Variants in CACNA2D1 observed in about 807,000 individuals in gnomAD.
CACNA2D1 encodes the protein calcium voltage-gated channel auxiliary subunit alpha2delta 1, also known as voltage-dependent calcium channel subunit alpha-2/delta-1.
Under a neutral mutation model 171.5 loss-of-function variants are expected in CACNA2D1, and 53 were observed. That is an observed-to-expected ratio of 0.31 (90% confidence interval 0.25 to 0.39). The LOEUF (loss-of-function observed/expected upper bound fraction) is 0.39, where lower values mean the gene tolerates loss of function less well. Ranked by LOEUF, CACNA2D1 falls within the 10% of genes least tolerant of loss-of-function variation. The pLI is 1.00. For synonymous variants in CACNA2D1, 442 were observed against 443.1 expected, an observed-to-expected ratio of 1.00 and a Z score of 0.03; for missense variants, 903 against 1,299.8, an observed-to-expected ratio of 0.69 and a Z score of 4.69.
intron 3 of CACNA2D1, among the ~76,000 whole-genome samples, chr7:82,241,925 T>G (rs1426422729): frequency 6.6e-6 from 1 of 152,136 alleles, no homozygotes; most frequent in African/African-American, 2.4e-5. Context: ...GAGAACATAT[T>G]ACTTTCTGGA....
intron 38 of CACNA2D1, among the ~76,000 whole-genome samples, chr7:81,957,229 A>G (rs1793503333): frequency 6.6e-6 from 1 of 152,164 alleles, no homozygotes; most frequent in African/African-American, 2.4e-5. Flanking sequence ...CAATTTTTAC[A>G]CAAAAACTTT....
At chr7:82,217,394 C>CATATATATATATCTATATATAT (rs1801244824) in intron 3 of CACNA2D1, among the ~76,000 whole-genome samples, 1 of 102,546 alleles carries the variant, frequency 9.8e-6, no homozygotes, top group Non-Finnish European at 1.8e-5. Flanking sequence ...CACACACATA[C>CATATATATATATCTATATATAT]ATATATATAT....
intron 5 of CACNA2D1, among the ~76,000 whole-genome samples, chr7:82,117,442 G>A (rs916846341): frequency 2.6e-5 from 4 of 152,030 alleles, no homozygotes; most frequent in Non-Finnish European, 4.4e-5. Flanking sequence ...TTTGGGGGAC[G>A]AGGGAGACCA....
intron 38 of CACNA2D1, among the ~76,000 whole-genome samples, chr7:81,957,050 T>G (rs903930920): frequency 6.6e-6 from 1 of 152,124 alleles, no homozygotes; most frequent in Admixed American, 6.6e-5. Flanking sequence ...AAAAAGTTAT[T>G]TAAGTCAGAT....
chr7:82,111,040 A>G (rs987163068), intron 6 of CACNA2D1, among the ~76,000 whole-genome samples: 24 of 152,080 alleles, frequency 1.6e-4, no homozygotes, highest in African/African-American at 5.1e-4. Flanking sequence ...TAGGTCCTTA[A>G]TAAGTATTTG....
At chr7:82,375,061 T>A (rs560242973) in intron 1 of CACNA2D1, among the ~76,000 whole-genome samples, 1 of 152,216 alleles carries the variant, frequency 6.6e-6, no homozygotes, top group African/African-American at 2.4e-5. Flanking sequence ...CCCAAAAATA[T>A]CATATTGGAT....
At chr7:82,342,313 C>T (rs901884169) in intron 2 of CACNA2D1, among the ~76,000 whole-genome samples, 1 of 152,064 alleles carries the variant, frequency 6.6e-6, no homozygotes, top group African/African-American at 2.4e-5. Flanking sequence ...CTCAAGAAGA[C>T]AAAGATTTTT....
rs1792146560 is a variant in CACNA2D1, at chr7:81,947,680, CTGTTCAGTCGTTGGAA to C, written c.*2696_*2711del. The C allele has an allele frequency of 1.3e-5, 2 of 151,804 alleles. No homozygotes were observed. The highest frequency in any genetic ancestry group is 1.5e-5 in the Non-Finnish European group (1 of 67,834). 9.4% of individuals were successfully genotyped at this position (151,804 alleles called of 1,614,324 possible). ...TAAACTTTTTTATTGATCTGTTGTACTGTTCAGTCGTTGGAAATCAATATTAATAACAGGCTATAAT... is the reference window on the plus strand; with the variant it reads ...TAAACTTTTTTATTGATCTGTTGTACATCAATATTAATAACAGGCTATAAT... On this transcript the variant is annotated 3_prime_UTR_variant, in exon 39 of 39. Transcript: ENST00000356860.
At chr7:81,958,778 G>A (rs1322569711) in intron 38 of CACNA2D1, among the ~76,000 whole-genome samples, 2 of 151,888 alleles carry the variant, frequency 1.3e-5, no homozygotes, top group African/African-American at 2.4e-5. Context: ...TCTAATATGT[G>A]ATAGCATCAG....
chr7:82,235,629 T>C (rs573379633), intron 3 of CACNA2D1, among the ~76,000 whole-genome samples: 1 of 152,292 alleles, frequency 6.6e-6, no homozygotes, highest in South Asian at 2.1e-4. Flanking sequence ...ATGCAAGTTC[T>C]TAGACTCTTC....
intron 3 of CACNA2D1, among the ~76,000 whole-genome samples, chr7:82,221,536 G>C (rs1801761345): frequency 6.6e-6 from 1 of 152,072 alleles, no homozygotes; most frequent in Non-Finnish European, 1.5e-5. Context: ...CTTGAGGTCA[G>C]GAATTTGAGA....
chr7:82,240,879 A>G (rs763036123), intron 3 of CACNA2D1, among the ~76,000 whole-genome samples: 15 of 152,072 alleles, frequency 9.9e-5, no homozygotes, highest in Non-Finnish European at 2.1e-4. Context: ...AGGCAGGAGA[A>G]TCACTTGAAC....
chr7:82,440,334 A>T (rs1830403117), intron 1 of CACNA2D1, among the ~76,000 whole-genome samples: 1 of 151,914 alleles, frequency 6.6e-6, no homozygotes, highest in African/African-American at 2.4e-5. Flanking sequence ...TACCATTATA[A>T]TACTGGCTAT....
chr7:82,284,074 A>G (rs2129380827), intron 3 of CACNA2D1, among the ~76,000 whole-genome samples: 1 of 152,148 alleles, frequency 6.6e-6, no homozygotes, highest in African/African-American at 2.4e-5. Context: ...GTGCACCTGT[A>G]GTCCCAGATA....
intron 10 of CACNA2D1, among the ~76,000 whole-genome samples, chr7:82,056,008 T>TA (rs1805846852): frequency 8.1e-4 from 8 of 9,838 alleles, no homozygotes; most frequent in African/African-American, 1.1e-3. Context: ...TACTCAAAAG[T>TA]TAAAAAAAAA....
At chr7:81,999,638 G>A (rs1798387931) in intron 18 of CACNA2D1, among the ~76,000 whole-genome samples, 1 of 152,032 alleles carries the variant, frequency 6.6e-6, no homozygotes, top group African/African-American at 2.4e-5. Flanking sequence ...ACCATTTTCA[G>A]GTTGTTTATT....
rs142227171 is a variant in CACNA2D1, at chr7:82,057,407, C to T, written c.879+3021G>A. Among the ~76,000 whole-genome samples, 652 of 152,166 alleles carry T rather than the reference C, an allele frequency of 4.3e-3. 8 individuals carry two copies. Among genetic ancestry groups the T allele is most frequent in the African/African-American group, 0.015 (630 of 41,524 alleles). On this transcript the variant is annotated intron_variant, in intron 10 of 38. Coordinates refer to ENST00000356860, the MANE Select transcript of CACNA2D1 (RefSeq NM_000722.4). ...CTTCTTGTCATTGAGACTTCAGGCTCCACTGAAATAAATGTTCTGCTTTCC... is the reference window on the plus strand; with the variant it reads ...CTTCTTGTCATTGAGACTTCAGGCTTCACTGAAATAAATGTTCTGCTTTCC...
At chr7:82,209,545 C>T (rs1201664569) in intron 3 of CACNA2D1, among the ~76,000 whole-genome samples, 1 of 152,136 alleles carries the variant, frequency 6.6e-6, no homozygotes, top group Non-Finnish European at 1.5e-5. Flanking sequence ...CAAACCGCCT[C>T]ATAAGCAGCC....
In CACNA2D1 at chr7:82,146,983, C is replaced by CAAAA. The variant is rs764990586; in HGVS notation, c.355-10311_355-10308dup. ...CTGGGTGATAGCAAGACTCCCATCTCAAAAAAAAAAAAAAAAAAAAAAAAA... is the reference window on the plus strand; with the variant it reads ...CTGGGTGATAGCAAGACTCCCATCTCAAAAAAAAAAAAAAAAAAAAAAAAAAAAA... On this transcript the variant is annotated intron_variant, in intron 4 of 38. Transcript: ENST00000356860. Among the ~76,000 whole-genome samples, 106 of 25,514 alleles carry CAAAA rather than the reference C, an allele frequency of 4.2e-3. 1 individual carries two copies. The highest frequency in any genetic ancestry group is 5.3e-3 in the Non-Finnish European group (87 of 16,526). The allele number at this position is 25,514 out of a possible 152,430, so 16.7% of individuals were successfully genotyped here. A position where few individuals can be genotyped will look rare whatever the true frequency, so the allele number is the denominator to read the frequency against.
Sources: allele counts gnomAD v4.1 joint callset (sites outside exome capture counted in the v4.1 genomes callset), GRCh38; gene constraint gnomAD v4.1.1; transcripts MANE v1.5; gene names NCBI Gene and HGNC (gene_info 2026-07-23, HGNC 2026-07-21).